RNGTT: variants seen among roughly 807,000 people sequenced by gnomAD.
RNGTT encodes the protein mRNA-capping enzyme.
In RNGTT, 33 loss-of-function variants were observed where a neutral mutation model predicts 79.3. The ratio of observed to expected loss-of-function variants is 0.42; its 90% confidence interval spans 0.32 to 0.56. The LOEUF is 0.56. Among genes scored for constraint, RNGTT ranks in the 20% least tolerant of loss-of-function variants. RNGTT has a pLI of 0.17. For missense variants in RNGTT, 497 were observed against 739.1 expected, an observed-to-expected ratio of 0.67 and a Z score of 3.80; for synonymous variants, 222 against 235.9, an observed-to-expected ratio of 0.94 and a Z score of 0.54.
At chr6:88,912,006 C>T (rs963793972) in intron 4 of RNGTT, among the ~76,000 whole-genome samples, 1 of 151,970 alleles carries the variant, frequency 6.6e-6, no homozygotes, top group Non-Finnish European at 1.5e-5. Context: ...TTGCTTGAAC[C>T]CAGGAGGTCG....
chr6:88,842,181 A>G (rs1781315106), intron 11 of RNGTT, among the ~76,000 whole-genome samples: 1 of 152,210 alleles, frequency 6.6e-6, no homozygotes, highest in Non-Finnish European at 1.5e-5. Flanking sequence ...GGTTCAATAA[A>G]TCAGACATCC....
intron 8 of RNGTT, among the ~76,000 whole-genome samples, chr6:88,876,251 G>A (rs1782513850): frequency 6.6e-6 from 1 of 152,178 alleles, no homozygotes; most frequent in African/African-American, 2.4e-5. Context: ...AATCATGCCT[G>A]AGTATTGTGG....
At chr6:88,708,443 T>C (rs1408901913) in intron 13 of RNGTT, among the ~76,000 whole-genome samples, 1 of 152,076 alleles carries the variant, frequency 6.6e-6, no homozygotes, top group Non-Finnish European at 1.5e-5. Context: ...CTGATCCTAC[T>C]AGATACTTTC....
In RNGTT at chr6:88,906,400, G is replaced by A. The variant is rs1488816814; in HGVS notation, c.408C>T (p.Leu136=). The A allele has an allele frequency of 1.2e-6, 2 of 1,604,050 alleles. No individual in the cohort carries two copies. Among genetic ancestry groups the A allele is most frequent in the South Asian group, 2.3e-5 (2 of 88,152 alleles). The part of the protein sequence containing the change: ...CTHGFNRTGF[L]ICAFLVEKMD... ...TTTTCTCCACCAAAAAGGCACATAT[G>A]AGGAAACCAGTGCGATTGAAGCCAT... Residue 136 remains leucine (L), a synonymous_variant, in exon 5 of 16, where the codon CTC becomes CTT. Coordinates refer to ENST00000369485, the MANE Select transcript of RNGTT (RefSeq NM_003800.5).
chr6:88,682,570 T>A (rs1009454642), intron 13 of RNGTT, among the ~76,000 whole-genome samples: 1 of 151,988 alleles, frequency 6.6e-6, no homozygotes, highest in Non-Finnish European at 1.5e-5. Flanking sequence ...ATAAAGCACA[T>A]TTTTTTTCCT....
intron 10 of RNGTT, 53 bp from the exon 11 acceptor site, chr6:88,844,574 G>C: frequency 7.9e-6 from 12 of 1,512,452 alleles, no homozygotes; most frequent in South Asian, 7.2e-5. Context: ...TATTTTATCA[G>C]CATAATTATC....
At chr6:88,795,739 A>G (rs1312124034) in intron 12 of RNGTT, among the ~76,000 whole-genome samples, 1 of 152,156 alleles carries the variant, frequency 6.6e-6, no homozygotes, top group Non-Finnish European at 1.5e-5. Flanking sequence ...ACAAGAAATA[A>G]ACAACTCAAA....
At chr6:88,838,388 A>G (rs747101917) in intron 11 of RNGTT, among the ~76,000 whole-genome samples, 3 of 152,210 alleles carry the variant, frequency 2.0e-5, no homozygotes, top group Non-Finnish European at 4.4e-5. Flanking sequence ...AATTATTAGT[A>G]TAATAATTGA....
chr6:88,638,129 T>C (rs962452530), intron 14 of RNGTT, among the ~76,000 whole-genome samples: 8 of 152,038 alleles, frequency 5.3e-5, no homozygotes, highest in Non-Finnish European at 1.0e-4. Flanking sequence ...TCTCTCACAA[T>C]GGAATCTAAG....
intron 13 of RNGTT, among the ~76,000 whole-genome samples, chr6:88,696,009 A>T (rs1775648883): frequency 6.6e-6 from 1 of 152,144 alleles, no homozygotes; most frequent in African/African-American, 2.4e-5. Flanking sequence ...GGGATGGGGG[A>T]AACAGGGAGA....
chr6:88,886,610 T>C (rs1782870652), intron 8 of RNGTT, among the ~76,000 whole-genome samples: 1 of 152,274 alleles, frequency 6.6e-6, no homozygotes, highest in South Asian at 2.1e-4. Context: ...TGCTTAATTA[T>C]TAGAGATCAA....
intron 8 of RNGTT, among the ~76,000 whole-genome samples, chr6:88,863,196 C>T (rs1782067391): frequency 6.6e-6 from 1 of 152,218 alleles, no homozygotes; most frequent in African/African-American, 2.4e-5. Flanking sequence ...TCTAACTAGT[C>T]TTTGATCTTA....
chr6:88,908,678 G>A (rs188589620), intron 4 of RNGTT, among the ~76,000 whole-genome samples: 2 of 152,266 alleles, frequency 1.3e-5, no homozygotes, highest in East Asian at 3.9e-4. Flanking sequence ...AGACCACGGT[G>A]CAGCTGCAGC....
chr6:88,844,300 T>C, intron 11 of RNGTT, 57 bp downstream of exon 11: 1 of 1,493,660 alleles, frequency 6.7e-7, no homozygotes, highest in Non-Finnish European at 9.2e-7. Flanking sequence ...ATATTCATCT[T>C]GTAAGCTGAA....
At chr6:88,637,287 G>A (rs1022684246) in intron 14 of RNGTT, among the ~76,000 whole-genome samples, 5 of 151,920 alleles carry the variant, frequency 3.3e-5, no homozygotes, top group Admixed American at 6.6e-5. Context: ...AATGCCATTC[G>A]GTTCACTCTT....
intron 2 of RNGTT, among the ~76,000 whole-genome samples, chr6:88,933,515 C>G (rs1729011095): frequency 6.6e-6 from 1 of 151,928 alleles, no homozygotes; most frequent in African/African-American, 2.4e-5. Context: ...GAGTCTCACT[C>G]TGTTGCCCCG....
At chr6:88,732,095 G>C (rs1039648761) in intron 13 of RNGTT, among the ~76,000 whole-genome samples, 1 of 152,200 alleles carries the variant, frequency 6.6e-6, no homozygotes, top group African/African-American at 2.4e-5. Context: ...GGGTGGCAGA[G>C]GCAGGAGAAA....
At chr6:88,903,838 C>A (rs541129732) in intron 6 of RNGTT, among the ~76,000 whole-genome samples, 14 of 152,316 alleles carry the variant, frequency 9.2e-5, no homozygotes, top group African/African-American at 2.9e-4. Context: ...TGGCCTATAT[C>A]ATATACTTGT....
rs6917542 is a variant in RNGTT, at chr6:88,612,606, T to C, written c.*113A>G. ...TTTCTTTTTTTAAAAAAAATTCAAA[T>C]GTGTATCAACATCAAGCCACAGTCG... On this transcript the variant is annotated 3_prime_UTR_variant, in exon 16 of 16. Transcript: ENST00000369485. 4.5e-3 allele frequency: 5,206 copies of C among 1,166,922 alleles called. 176 individuals are homozygous for C. The African/African-American group carries it at 0.072, about 16-fold the overall frequency. 72.3% of individuals were successfully genotyped at this position (1,166,922 alleles called of 1,614,324 possible).
Sources: gnomAD v4.1 joint callset for allele counts (sites outside exome capture counted in the v4.1 genomes callset) on GRCh38, gnomAD v4.1.1 for gene constraint, MANE v1.5 for transcripts, NCBI Gene and HGNC (gene_info 2026-07-23, HGNC 2026-07-21) for gene names.